UBE2W: variants seen among roughly 807,000 people sequenced by gnomAD.
The protein encoded by UBE2W is ubiquitin conjugating enzyme E2 W.
In UBE2W, 18 loss-of-function variants were observed where a neutral mutation model predicts 27.2. The ratio of observed to expected loss-of-function variants is 0.66; its 90% confidence interval spans 0.46 to 0.98. UBE2W has a LOEUF of 0.98. Among genes scored for constraint, UBE2W ranks in the 50% least tolerant of loss-of-function variants. The pLI, the probability that UBE2W is intolerant of heterozygous loss-of-function variation, is 0.00. For missense variants in UBE2W, 90 were observed against 180.2 expected, an observed-to-expected ratio of 0.50 and a Z score of 2.87; for synonymous variants, 53 against 57.2, an observed-to-expected ratio of 0.93 and a Z score of 0.33.
At chr8:73,839,820 T>C (rs776895788) in intron 1 of UBE2W, among the ~76,000 whole-genome samples, 2 of 146,162 alleles carry the variant, frequency 1.4e-5, no homozygotes, top group East Asian at 4.4e-4. Context: ...CAGCCTCTAC[T>C]TCCCGGGCTC....
In UBE2W at chr8:73,791,556, A is replaced by G; in HGVS notation, c.*2546T>C. On this transcript the variant is annotated 3_prime_UTR_variant, in exon 6 of 6. Coordinates refer to ENST00000602593, the MANE Select transcript of UBE2W (RefSeq NM_018299.6). ...TGGTTGTCTTTCAACAATGCATTAC[A>G]GAGAAATATTCTTTTTATTATTACA... 3 of 985,212 alleles carry G rather than the reference A, an allele frequency of 3.0e-6. No homozygotes were observed. Among genetic ancestry groups the G allele is most frequent in the Non-Finnish European group, 3.6e-6 (3 of 829,750 alleles). 61.0% of individuals were successfully genotyped at this position (985,212 alleles called of 1,614,324 possible). A position where few individuals can be genotyped will look rare whatever the true frequency, so the allele number is the denominator to read the frequency against.
intron 1 of UBE2W, among the ~76,000 whole-genome samples, chr8:73,862,271 A>C (rs1811562801): frequency 6.6e-6 from 1 of 152,226 alleles, no homozygotes; most frequent in Non-Finnish European, 1.5e-5. Flanking sequence ...TCTATTAAAA[A>C]TACAAAAAAT....
intron 2 of UBE2W, among the ~76,000 whole-genome samples, chr8:73,827,882 T>C (rs112424849): frequency 7.2e-5 from 11 of 152,262 alleles, no homozygotes; most frequent in African/African-American, 2.4e-4. Flanking sequence ...TAAGATATGT[T>C]CATTGTAGAA....
chr8:73,814,826 C>G (rs927410374), intron 3 of UBE2W, among the ~76,000 whole-genome samples: 1 of 152,208 alleles, frequency 6.6e-6, no homozygotes, highest in Non-Finnish European at 1.5e-5. Context: ...AGACTGGAAG[C>G]AGTCTTTAAT....
chr8:73,781,670 G>A (rs1807848146), downstream of UBE2W, among the ~76,000 whole-genome samples: 1 of 150,248 alleles, frequency 6.7e-6, no homozygotes. Context: ...TGTCATCCAG[G>A]CAGGAGTGCA....
intron 1 of UBE2W, among the ~76,000 whole-genome samples, chr8:73,876,552 G>A (rs1812229846): frequency 6.6e-6 from 1 of 152,154 alleles, no homozygotes; most frequent in East Asian, 1.9e-4. Flanking sequence ...AGAGTGATAA[G>A]ATTTCGATGG....
At chr8:73,866,163 C>T (rs527777337) in intron 1 of UBE2W, among the ~76,000 whole-genome samples, 217 of 149,778 alleles carry the variant, frequency 1.4e-3, no homozygotes, top group Middle Eastern at 3.5e-3. Context: ...CCCAGCTATT[C>T]GGGAGGCTGA....
chr8:73,848,956 A>G (rs2130944424), intron 1 of UBE2W, among the ~76,000 whole-genome samples: 1 of 152,346 alleles, frequency 6.6e-6, no homozygotes, highest in African/African-American at 2.4e-5. Flanking sequence ...CTCCACGAAT[A>G]TATTAAAAGT....
At chr8:73,877,212 T>G (rs1385792621) in intron 1 of UBE2W, among the ~76,000 whole-genome samples, 1 of 152,252 alleles carries the variant, frequency 6.6e-6, no homozygotes, top group Non-Finnish European at 1.5e-5. Context: ...TAAAAATCTT[T>G]AAGTGGTAAT....
intron 5 of UBE2W, among the ~76,000 whole-genome samples, chr8:73,802,260 C>T (rs531690712): frequency 5.9e-4 from 90 of 152,294 alleles, no homozygotes; most frequent in Non-Finnish European, 9.3e-4. Flanking sequence ...CTACCCTTTA[C>T]TCTCCCCTTC....
chr8:73,849,026 C>CA (rs33980096), intron 1 of UBE2W, among the ~76,000 whole-genome samples: 11 of 144,378 alleles, frequency 7.6e-5, no homozygotes, highest in African/African-American at 2.6e-4. Context: ...TCAACAAAAG[C>CA]AAAAAAAAGT....
At chr8:73,785,816 C>T (rs960041171), downstream of UBE2W, among the ~76,000 whole-genome samples, 1 of 152,226 alleles carries the variant, frequency 6.6e-6, no homozygotes. Context: ...AAGCTCCTGA[C>T]GTGATCCACC....
chr8:73,831,177 A>C, intron 1 of UBE2W: 1 of 458,958 alleles, frequency 2.2e-6, no homozygotes, highest in Non-Finnish European at 4.0e-6. Flanking sequence ...CCTCAAGAGC[A>C]CAGCCAAATG....
At position 73,786,794 on chromosome 8, in the gene UBE2W, A is replaced by G. The variant is rs1352854387; in HGVS notation, c.*7308T>C. 3 of 985,328 alleles carry G rather than the reference A, an allele frequency of 3.0e-6. No individual in the cohort carries two copies. In the Admixed American group the frequency reaches 1.8e-4, roughly 61 times the overall value. 61.0% of individuals were successfully genotyped at this position (985,328 alleles called of 1,614,324 possible). A position where few individuals can be genotyped will look rare whatever the true frequency, so the allele number is the denominator to read the frequency against. On this transcript the variant is annotated 3_prime_UTR_variant, in exon 6 of 6. Transcript: ENST00000602593. ...CAGAGACATTTTAAAGTTACACTCAACAGGACTTGAAAAATGCAAGGAGAG... is the reference window on the plus strand; with the variant it reads ...CAGAGACATTTTAAAGTTACACTCAGCAGGACTTGAAAAATGCAAGGAGAG...
At position 73,792,790 on chromosome 8, in the gene UBE2W, A is replaced by T; in HGVS notation, c.*1312T>A. The stretch of plus-strand genomic sequence containing the variant: ...GTACTGAGAACTGGACCTTTCAACA[A>T]TTTTTTTTTTCTATAGAAAGTTTCA... On this transcript the variant is annotated 3_prime_UTR_variant, in exon 6 of 6. Coordinates refer to ENST00000602593, the MANE Select transcript of UBE2W (RefSeq NM_018299.6). 1 of 951,372 alleles carries T rather than the reference A, an allele frequency of 1.1e-6. No homozygotes were observed. Among genetic ancestry groups the T allele is most frequent in the Non-Finnish European group, 1.3e-6 (1 of 799,588 alleles). The allele number at this position is 951,372 out of a possible 1,614,324, so 58.9% of individuals were successfully genotyped here.
At chr8:73,869,622 C>T (rs544054932) in intron 1 of UBE2W, among the ~76,000 whole-genome samples, 7 of 151,932 alleles carry the variant, frequency 4.6e-5, no homozygotes, top group Admixed American at 2.0e-4. Flanking sequence ...ACCTGGGAGA[C>T]GGAGGTTGCA....
chr8:73,796,683 C>T (rs1808435194), intron 5 of UBE2W: 1 of 983,894 alleles, frequency 1.0e-6, no homozygotes, highest in Non-Finnish European at 1.2e-6. Context: ...ACTACGAATC[C>T]ATGATGGCTA....
chr8:73,861,265 G>A (rs1811522673), intron 1 of UBE2W, among the ~76,000 whole-genome samples: 1 of 152,146 alleles, frequency 6.6e-6, no homozygotes, highest in Non-Finnish European at 1.5e-5. Flanking sequence ...AAGCCCAGGG[G>A]CCAGCGTCAA....
rs1422298792 is a variant in UBE2W at position 73,845,115 on chromosome 8, G to A, written c.16-14643C>T. ...GGTGGGGGGCAGCCCCCGCCTGGCCGCCGCCCCGTCTGGGAGGTGGTGGGC... is the reference window on the plus strand; with the variant it reads ...GGTGGGGGGCAGCCCCCGCCTGGCCACCGCCCCGTCTGGGAGGTGGTGGGC... On this transcript the variant is annotated intron_variant, in intron 1 of 5. Coordinates refer to ENST00000602593, the MANE Select transcript of UBE2W (RefSeq NM_018299.6). Among the ~76,000 whole-genome samples the A allele has an allele frequency of 4.7e-4, 9 of 19,080 alleles. No individual in the cohort carries two copies. In the East Asian group the frequency reaches 0.017, roughly 36 times the overall value. 12.5% of individuals were successfully genotyped at this position (19,080 alleles called of 152,430 possible).
Sources: gnomAD v4.1 joint callset for allele counts (sites outside exome capture counted in the v4.1 genomes callset) on GRCh38, gnomAD v4.1.1 for gene constraint, MANE v1.5 for transcripts, NCBI Gene and HGNC (gene_info 2026-07-23, HGNC 2026-07-21) for gene names.